The following CSMD1 variants were observed in gnomAD, a reference collection of about 807,000 sequenced individuals.
The protein encoded by CSMD1 is CUB and sushi domain-containing protein 1.
A neutral mutation model predicts 417.5 loss-of-function variants in CSMD1; 213 were observed. The ratio of observed to expected loss-of-function variants is 0.51; its 90% CI spans 0.46 to 0.57. The LOEUF is 0.57. Among genes scored for constraint, CSMD1 ranks in the 20% least tolerant of loss-of-function variants. The pLI, the probability that CSMD1 is intolerant of heterozygous loss-of-function variation, is 0.00. For missense variants in CSMD1, 6,923 were observed against 4,529.7 expected, an observed-to-expected ratio of 1.53 and a Z score of -15.17; for synonymous variants, 2,862 against 1,736.8, an observed-to-expected ratio of 1.65 and a Z score of -16.11.
intron 3 of CSMD1, among the ~76,000 whole-genome samples, chr8:4,304,346 A>G (rs529482717): frequency 6.6e-6 from 1 of 152,278 alleles, no homozygotes; most frequent in South Asian, 2.1e-4. Flanking sequence ...GATGTCTTAG[A>G]TACATTCCAT....
At chr8:4,217,281 T>C (rs1800741940) in intron 3 of CSMD1, among the ~76,000 whole-genome samples, 1 of 152,240 alleles carries the variant, frequency 6.6e-6, no homozygotes, top group Admixed American at 6.5e-5. Context: ...GTCTTTCATA[T>C]AAGCCAAGTG....
chr8:4,180,307 G>C (rs1292645879), intron 3 of CSMD1, among the ~76,000 whole-genome samples: 2 of 151,570 alleles, frequency 1.3e-5, no homozygotes, highest in Non-Finnish European at 2.9e-5. Flanking sequence ...AATCATCATT[G>C]TCAGTAAACT....
rs1244649626 is a variant in CSMD1 at position 4,267,236 on chromosome 8, G to T, written c.415+152717C>A. On this transcript the variant is annotated intron_variant, in intron 3 of 69. Coordinates refer to ENST00000635120, the MANE Select transcript of CSMD1 (RefSeq NM_033225.6). Reference sequence around the variant, plus strand: ...TTAACAACAGTTATTAAAGAAAAGTGAGTTCAATGAAGTTGCTACTTAGAA... The same window carrying T: ...TTAACAACAGTTATTAAAGAAAAGTTAGTTCAATGAAGTTGCTACTTAGAA... Among the ~76,000 whole-genome samples, 8 of 103,548 alleles carry T rather than the reference G, an allele frequency of 7.7e-5. 1 individual carries two copies. The highest frequency in any genetic ancestry group is 1.8e-4 in the African/African-American group (7 of 38,312). 67.9% of individuals were successfully genotyped at this position (103,548 alleles called of 152,430 possible).
chr8:4,198,850 G>A (rs187163703), intron 3 of CSMD1, among the ~76,000 whole-genome samples: 9 of 152,040 alleles, frequency 5.9e-5, no homozygotes, highest in East Asian at 5.8e-4. Context: ...GAGAGACAGC[G>A]CAACAATATC....
intron 7 of CSMD1, among the ~76,000 whole-genome samples, chr8:3,673,385 A>C (rs1411928077): frequency 6.6e-6 from 1 of 152,228 alleles, no homozygotes; most frequent in African/African-American, 2.4e-5. Flanking sequence ...AATTAGCAAG[A>C]ATATGGAGAT....
rs546388849 is a variant in CSMD1 at position 4,948,948 on chromosome 8, T to C, written c.85+45384A>G. On this transcript the variant is annotated intron_variant, in intron 1 of 69. Coordinates refer to ENST00000635120, the MANE Select transcript of CSMD1 (RefSeq NM_033225.6). ...TTTTTGGTAGATATAATTTTAGATG[T>C]ACTTTATATAGCAAGGCTGATATAA... 3.3e-5 allele frequency among the ~76,000 whole-genome samples: 5 copies of C among 152,294 alleles called. No homozygotes were observed. The South Asian group carries it at 8.3e-4, about 25-fold the overall frequency.
chr8:4,005,834 C>A (rs189390149), intron 4 of CSMD1, among the ~76,000 whole-genome samples: 1 of 152,318 alleles, frequency 6.6e-6, no homozygotes, highest in East Asian at 1.9e-4. Context: ...GGATTGCTAG[C>A]ATAAGCACTG....
At chr8:3,637,686 T>A (rs1044572978) in intron 7 of CSMD1, among the ~76,000 whole-genome samples, 1 of 152,204 alleles carries the variant, frequency 6.6e-6, no homozygotes, top group South Asian at 2.1e-4. Flanking sequence ...GGATGACAAC[T>A]GAATTACCTC....
intron 3 of CSMD1, among the ~76,000 whole-genome samples, chr8:4,311,641 T>G (rs1798579627): frequency 6.7e-6 from 1 of 150,052 alleles, no homozygotes; most frequent in African/African-American, 2.5e-5. Flanking sequence ...GAGAATTGCT[T>G]GAACCTGGGA....
At chr8:4,035,888 G>T (rs577735581) in intron 3 of CSMD1, among the ~76,000 whole-genome samples, 1 of 152,108 alleles carries the variant, frequency 6.6e-6, no homozygotes, top group African/African-American at 2.4e-5. Flanking sequence ...AGCCTTCACA[G>T]TCACCCCTCA....
chr8:3,866,279 A>G (rs1375888238), intron 5 of CSMD1, among the ~76,000 whole-genome samples: 3 of 152,238 alleles, frequency 2.0e-5, no homozygotes, highest in Admixed American at 6.5e-5. Flanking sequence ...ACATTTTTAA[A>G]TAAATACTTC....
intron 1 of CSMD1, among the ~76,000 whole-genome samples, chr8:4,839,874 G>C (rs921951): frequency 0.48 from 72,431 of 151,998 alleles, 18,660 homozygotes; most frequent in East Asian, 0.7. Context: ...TCAATTCTTA[G>C]TACTAGCTAT....
intron 3 of CSMD1, among the ~76,000 whole-genome samples, chr8:4,189,700 T>TACAAA (rs1798899975): frequency 1.3e-5 from 2 of 152,166 alleles, no homozygotes; most frequent in Non-Finnish European, 2.9e-5. Context: ...GTGTTGAGAA[T>TACAAA]TAATTTTTCA....
chr8:4,513,367 G>T (rs184993107), intron 2 of CSMD1, among the ~76,000 whole-genome samples: 1 of 152,202 alleles, frequency 6.6e-6, no homozygotes, highest in East Asian at 1.9e-4. Context: ...CTACTATAGC[G>T]ATGCTAATTT....
chr8:4,845,891 G>A (rs1364760047), intron 1 of CSMD1, among the ~76,000 whole-genome samples: 1 of 152,152 alleles, frequency 6.6e-6, no homozygotes, highest in Non-Finnish European at 1.5e-5. Context: ...AGTCACCGTG[G>A]CTAACTAAAA....
intron 3 of CSMD1, among the ~76,000 whole-genome samples, chr8:4,218,923 T>C (rs1017501913): frequency 6.6e-6 from 1 of 152,226 alleles, no homozygotes; most frequent in Non-Finnish European, 1.5e-5. Context: ...ATCTGAACCC[T>C]TGGGGTCATT....
chr8:3,498,695 A>T (rs1796468157), intron 10 of CSMD1, among the ~76,000 whole-genome samples: 1 of 152,090 alleles, frequency 6.6e-6, no homozygotes, highest in African/African-American at 2.4e-5. Context: ...ATTCTTACTT[A>T]TTCTTTTTTG....
At chr8:4,917,270 T>C (rs1266256748) in intron 1 of CSMD1, among the ~76,000 whole-genome samples, 1 of 152,080 alleles carries the variant, frequency 6.6e-6, no homozygotes, top group Non-Finnish European at 1.5e-5. Context: ...TTCTAAACCA[T>C]TAAAAACCAC....
At chr8:3,545,902 T>C (rs1395265080) in intron 10 of CSMD1, among the ~76,000 whole-genome samples, 3 of 152,222 alleles carry the variant, frequency 2.0e-5, no homozygotes, top group South Asian at 2.1e-4. Flanking sequence ...AATAAAATTA[T>C]AGTGAATGCA....
Sources: allele counts gnomAD v4.1 joint callset (sites outside exome capture counted in the v4.1 genomes callset), GRCh38; gene constraint gnomAD v4.1.1; transcripts MANE v1.5; gene names NCBI Gene and HGNC (gene_info 2026-07-23, HGNC 2026-07-21).